RALYL: variants seen among roughly 807,000 people sequenced by gnomAD.
RALYL encodes the protein RALY RNA binding protein like.
Under a neutral mutation model 35.1 loss-of-function variants are expected in RALYL, and 29 were observed. The observed-to-expected ratio is 0.83, with a 90% confidence interval of 0.61 to 1.13. The LOEUF is 1.13. RALYL is among the 50% of genes most tolerant of loss of function. The pLI, the probability that RALYL is intolerant of heterozygous loss-of-function variation, is 0.00. For synonymous variants in RALYL, 120 were observed against 127.6 expected (o/e 0.94, Z 0.40); for missense variants, 359 against 360.4 (o/e 1.00, Z 0.03).
At chr8:84,428,104 T>TCA (rs769786577) in intron 1 of RALYL, among the ~76,000 whole-genome samples, 31,187 of 129,582 alleles carry the variant, frequency 0.24, 3,219 homozygotes, top group South Asian at 0.35. Flanking sequence ...TCTCTCTCTC[T>TCA]CTCACACACA....
At chr8:84,827,106 A>G (rs1331897870) in intron 4 of RALYL, among the ~76,000 whole-genome samples, 1 of 152,130 alleles carries the variant, frequency 6.6e-6, no homozygotes, top group Admixed American at 6.5e-5. Context: ...AAATTTAATA[A>G]AAGTTTGAAA....
At chr8:84,706,091 T>A (rs1387518766) in intron 2 of RALYL, 1 of 1,530,658 alleles carries the variant, frequency 6.5e-7, no homozygotes, top group South Asian at 1.2e-5. Context: ...CTTTTTCATA[T>A]CACTGGGGTA....
rs1349031771 is a variant in RALYL, at chr8:84,424,550, C to T, written c.-23-104749C>T. Among the ~76,000 whole-genome samples, 1,146 of 149,050 alleles carry T rather than the reference C, an allele frequency of 7.7e-3. 15 individuals are homozygous for T. The highest frequency in any genetic ancestry group is 0.026 in the African/African-American group (1,015 of 38,606). On this transcript the variant is annotated intron_variant, in intron 1 of 8. Transcript: ENST00000521268. The stretch of plus-strand genomic sequence containing the variant: ...CGTCTGAAGCCTTCTTCTCTCAGCT[C>T]GTCAAAGTCATTCTCCATCCAGCTT...
At chr8:84,347,944 T>C (rs2131008383) in intron 1 of RALYL, among the ~76,000 whole-genome samples, 1 of 152,188 alleles carries the variant, frequency 6.6e-6, no homozygotes, top group East Asian at 1.9e-4. Flanking sequence ...AGATAGTATT[T>C]ATAGACAGAA....
chr8:84,227,861 A>G (rs1237531199), intron 1 of RALYL, among the ~76,000 whole-genome samples: 1 of 152,162 alleles, frequency 6.6e-6, no homozygotes, highest in African/African-American at 2.4e-5. Flanking sequence ...TAAATTGTTA[A>G]TACTATCATA....
chr8:84,516,334 C>T (rs990842064), intron 1 of RALYL, among the ~76,000 whole-genome samples: 6 of 141,374 alleles, frequency 4.2e-5, no homozygotes, highest in African/African-American at 1.5e-4. Flanking sequence ...AGATATACAC[C>T]AGAAGTATTT....
chr8:84,490,095 G>A (rs926143596), intron 1 of RALYL, among the ~76,000 whole-genome samples: 4 of 148,678 alleles, frequency 2.7e-5, no homozygotes, highest in Middle Eastern at 3.4e-3. Flanking sequence ...GTGTGTGTGT[G>A]TGTGTGTGTG....
rs918293412 is a variant in RALYL, at chr8:84,705,800, G to A, written c.257-68779G>A. On this transcript the variant is annotated intron_variant, in intron 2 of 8. Transcript: ENST00000521268. ...TGCTATAGGATCGGGGGAGGTGAAG[G>A]AAATACAATTTTCCCTAGAAGATTT... The A allele has an allele frequency of 9.3e-6, 8 of 859,436 alleles. No homozygotes were observed. The African/African-American group carries it at 1.4e-4, about 15-fold the overall frequency. 53.2% of individuals were successfully genotyped at this position (859,436 alleles called of 1,614,324 possible).
At chr8:84,535,689 C>T (rs1047941171) in intron 2 of RALYL, among the ~76,000 whole-genome samples, 2 of 148,516 alleles carry the variant, frequency 1.3e-5, no homozygotes, top group African/African-American at 5.0e-5. Flanking sequence ...TTAGCCAGGA[C>T]GGTCTTGATC....
intron 2 of RALYL, among the ~76,000 whole-genome samples, chr8:84,700,078 A>G (rs149844919): frequency 9.6e-4 from 146 of 152,194 alleles, no homozygotes; most frequent in African/African-American, 3.2e-3. Context: ...ATCCAAGTAT[A>G]AATGAGAAAA....
At chr8:84,856,087 C>T (rs1024212517) in intron 5 of RALYL, among the ~76,000 whole-genome samples, 2 of 152,136 alleles carry the variant, frequency 1.3e-5, no homozygotes, top group Non-Finnish European at 2.9e-5. Flanking sequence ...TTGAACTATC[C>T]TCTGGTAGTA....
intron 4 of RALYL, among the ~76,000 whole-genome samples, chr8:84,842,960 A>T (rs191112582): frequency 6.6e-6 from 1 of 152,294 alleles, no homozygotes; most frequent in African/African-American, 2.4e-5. Flanking sequence ...TATTGATAGG[A>T]TGTATCTCAA....
chr8:84,782,647 T>G (rs753830213), intron 3 of RALYL, among the ~76,000 whole-genome samples: 3 of 152,206 alleles, frequency 2.0e-5, no homozygotes, highest in Non-Finnish European at 4.4e-5. Context: ...TTATGATCTT[T>G]TATGCTATAT....
intron 2 of RALYL, among the ~76,000 whole-genome samples, chr8:84,687,405 C>A (rs542426182): frequency 6.6e-6 from 1 of 152,004 alleles, no homozygotes; most frequent in Non-Finnish European, 1.5e-5. Context: ...GAAAAAATAC[C>A]CGAGTGAAAA....
chr8:84,812,291 A>G (rs189105624), intron 4 of RALYL, among the ~76,000 whole-genome samples: 1 of 152,226 alleles, frequency 6.6e-6, no homozygotes, highest in East Asian at 1.9e-4. Context: ...CCACCCAGCA[A>G]GTCCACCCAG....
intron 2 of RALYL, among the ~76,000 whole-genome samples, chr8:84,765,282 C>T (rs1443292370): frequency 2.0e-5 from 3 of 152,094 alleles, no homozygotes; most frequent in Non-Finnish European, 4.4e-5. Context: ...GTGTGACATT[C>T]AAAATCTTAT....
chr8:84,409,432 A>G (rs1381308491), intron 1 of RALYL, among the ~76,000 whole-genome samples: 1 of 152,058 alleles, frequency 6.6e-6, no homozygotes, highest in African/African-American at 2.4e-5. Flanking sequence ...ACAACAGGGG[A>G]CAGCTTCTGG....
intron 1 of RALYL, among the ~76,000 whole-genome samples, chr8:84,424,870 G>A (rs1010241969): frequency 2.0e-5 from 3 of 151,828 alleles, no homozygotes; most frequent in Non-Finnish European, 4.4e-5. Context: ...TCGGGGGTCA[G>A]GGGTCAGGGA....
At chr8:84,530,737 C>A (rs1588017616) in intron 2 of RALYL, among the ~76,000 whole-genome samples, 1 of 152,080 alleles carries the variant, frequency 6.6e-6, no homozygotes, top group Non-Finnish European at 1.5e-5. Context: ...ACCTCTAATG[C>A]CTTTCTCATA....
Sources: gnomAD v4.1 joint callset for allele counts (sites outside exome capture counted in the v4.1 genomes callset) on GRCh38, gnomAD v4.1.1 for gene constraint, MANE v1.5 for transcripts, NCBI Gene and HGNC (gene_info 2026-07-23, HGNC 2026-07-21) for gene names.